CEP112: variants seen among roughly 807,000 people sequenced by gnomAD.
CEP112 encodes the protein centrosomal protein 112.
CEP112 carries 127 observed loss-of-function variants against 153.0 expected under a neutral mutation model. The ratio of observed to expected loss-of-function variants is 0.83; its 90% CI spans 0.72 to 0.96. The LOEUF is 0.96. Ranked by LOEUF, CEP112 falls within the 40% of genes least tolerant of loss-of-function variation. The pLI is 0.00. For missense variants in CEP112, 1,089 were observed against 1,101.2 expected (o/e 0.99, Z 0.16); for synonymous variants, 358 against 374.4 (o/e 0.96, Z 0.51).
chr17:65,821,857 T>C (rs2056602873), intron 21 of CEP112, among the ~76,000 whole-genome samples: 1 of 151,758 alleles, frequency 6.6e-6, no homozygotes, highest in Non-Finnish European at 1.5e-5. Context: ...TGGCCTAATA[T>C]TGTTTCTTTA....
intron 17 of CEP112, among the ~76,000 whole-genome samples, chr17:65,973,049 A>T (rs150829764): frequency 2.6e-3 from 400 of 152,356 alleles, no homozygotes; most frequent in Non-Finnish European, 4.9e-3. Flanking sequence ...TACAGGCGTA[A>T]GCCACTGCTC....
At chr17:65,731,154 C>T (rs954908170) in intron 23 of CEP112, among the ~76,000 whole-genome samples, 6 of 152,080 alleles carry the variant, frequency 3.9e-5, no homozygotes, top group Non-Finnish European at 8.8e-5. Context: ...GGCATACAGC[C>T]TTTTGTGGGC....
chr17:65,815,739 T>G (rs912252138), intron 21 of CEP112, among the ~76,000 whole-genome samples: 1 of 152,136 alleles, frequency 6.6e-6, no homozygotes, highest in African/African-American at 2.4e-5. Flanking sequence ...TATTTCATAT[T>G]TGTGATGATG....
chr17:65,958,407 A>G (rs2062074403), intron 18 of CEP112, among the ~76,000 whole-genome samples: 1 of 152,156 alleles, frequency 6.6e-6, no homozygotes. Context: ...GTTTCAGCCT[A>G]CCATACCATA....
At chr17:66,174,907 A>T (rs1598495651) in intron 4 of CEP112, 137 bp downstream of exon 4, 1 of 497,340 alleles carries the variant, frequency 2.0e-6, no homozygotes. Flanking sequence ...TAAAAATATA[A>T]AATAATCTTG....
At chr17:65,834,146 G>T (rs968354788) in intron 21 of CEP112, among the ~76,000 whole-genome samples, 1 of 152,066 alleles carries the variant, frequency 6.6e-6, no homozygotes, top group Admixed American at 6.6e-5. Flanking sequence ...CTGGCTAGCC[G>T]TATGCATAAG....
intron 10 of CEP112, among the ~76,000 whole-genome samples, chr17:66,064,281 A>G (rs986351369): frequency 1.3e-5 from 2 of 152,206 alleles, no homozygotes; most frequent in African/African-American, 4.8e-5. Flanking sequence ...CCCTCCTTTC[A>G]ATATATTGTT....
chr17:65,832,570 A>AACACCCCT (rs1173311451), intron 21 of CEP112, among the ~76,000 whole-genome samples: 1 of 152,152 alleles, frequency 6.6e-6, no homozygotes, highest in Non-Finnish European at 1.5e-5. Flanking sequence ...AACTCCTATG[A>AACACCCCT]ACACCCCTAT....
In CEP112 at chr17:66,175,032, C is replaced by A. The variant is rs757485573; in HGVS notation, c.470+12G>T. On this transcript the variant is annotated intron_variant, in intron 4 of 26. Transcript: ENST00000535342. ...GATGAAACACATTCAAAATCCCATT[C>A]TCTTTACATACCTGTAGACATCAGT... 6.6e-7 allele frequency: 1 copy of A among 1,511,050 alleles called. No individual in the cohort carries two copies. The highest frequency in any genetic ancestry group is 1.4e-5 in the South Asian group (1 of 73,458). The allele number at this position is 1,511,050 out of a possible 1,614,324, so 93.6% of individuals were successfully genotyped here. A position where few individuals can be genotyped will look rare whatever the true frequency, so the allele number is the denominator to read the frequency against.
chr17:65,836,418 C>T (rs1300253516), intron 21 of CEP112, among the ~76,000 whole-genome samples: 3 of 152,176 alleles, frequency 2.0e-5, no homozygotes, highest in Non-Finnish European at 4.4e-5. Context: ...TATAAAGACA[C>T]ACACAGACTG....
intron 6 of CEP112, among the ~76,000 whole-genome samples, chr17:66,099,603 A>G (rs1178078143): frequency 6.6e-6 from 1 of 152,022 alleles, no homozygotes; most frequent in Non-Finnish European, 1.5e-5. Context: ...GTAGCAGAGG[A>G]GGAGGGCTGT....
At chr17:66,111,501 C>T (rs1211822742) in intron 6 of CEP112, among the ~76,000 whole-genome samples, 2 of 152,042 alleles carry the variant, frequency 1.3e-5, no homozygotes, top group Non-Finnish European at 2.9e-5. Flanking sequence ...GTACATATAC[C>T]CACGGAATAC....
intron 11 of CEP112, among the ~76,000 whole-genome samples, chr17:66,056,241 C>A (rs1242271798): frequency 6.6e-6 from 1 of 152,112 alleles, no homozygotes; most frequent in Non-Finnish European, 1.5e-5. Flanking sequence ...CCAGAGGAGA[C>A]CCAGAGGCAA....
chr17:65,921,256 C>T (rs2060717697), intron 19 of CEP112, among the ~76,000 whole-genome samples: 2 of 152,118 alleles, frequency 1.3e-5, no homozygotes, highest in Non-Finnish European at 2.9e-5. Context: ...CCTGGCTGCC[C>T]TGTTCAAAGA....
intron 24 of CEP112, among the ~76,000 whole-genome samples, chr17:65,685,239 T>C (rs1223558314): frequency 1.3e-5 from 2 of 152,220 alleles, no homozygotes; most frequent in Non-Finnish European, 1.5e-5. Flanking sequence ...AGAAGCAGCT[T>C]TTGGTTTTTA....
chr17:65,711,925 T>C (rs1486244757), intron 23 of CEP112, among the ~76,000 whole-genome samples: 9 of 152,232 alleles, frequency 5.9e-5, no homozygotes, highest in African/African-American at 1.9e-4. Flanking sequence ...CAAAGTAGCA[T>C]GTACTCACTG....
intron 19 of CEP112, among the ~76,000 whole-genome samples, chr17:65,905,224 C>T (rs1168536834): frequency 2.6e-5 from 4 of 151,894 alleles, no homozygotes; most frequent in African/African-American, 9.7e-5. Context: ...GGTTAATATC[C>T]AGAATCTACA....
intron 20 of CEP112, among the ~76,000 whole-genome samples, chr17:65,865,313 A>G (rs1311426928): frequency 1.3e-5 from 2 of 152,090 alleles, no homozygotes; most frequent in Non-Finnish European, 2.9e-5. Flanking sequence ...AAGTGCTGGG[A>G]TTACAGGTGT....
intron 23 of CEP112, among the ~76,000 whole-genome samples, chr17:65,742,670 C>T (rs542000502): frequency 5.3e-5 from 8 of 152,004 alleles, no homozygotes; most frequent in African/African-American, 1.7e-4. Flanking sequence ...TATGCGAATA[C>T]ATAATGAAAG....
Sources: allele counts gnomAD v4.1 joint callset (sites outside exome capture counted in the v4.1 genomes callset), GRCh38; gene constraint gnomAD v4.1.1; transcripts MANE v1.5; gene names NCBI Gene and HGNC (gene_info 2026-07-23, HGNC 2026-07-21).